PER3: variants seen among roughly 807,000 people sequenced by gnomAD.
PER3 encodes the protein period circadian protein homolog 3.
PER3 carries 107 observed loss-of-function variants against 127.2 expected under a neutral mutation model. That is an observed-to-expected ratio of 0.84 (90% confidence interval 0.72 to 0.99). The LOEUF (loss-of-function observed/expected upper bound fraction) is 0.99, where lower values mean the gene tolerates loss of function less well. Ranked by LOEUF, PER3 falls within the 50% of genes least tolerant of loss-of-function variation. The pLI, the probability that PER3 is intolerant of heterozygous loss-of-function variation, is 0.00. For synonymous variants in PER3, 618 were observed against 585.8 expected (o/e 1.05, Z -0.79); for missense variants, 1,560 against 1,525.8 (o/e 1.02, Z -0.37).
intron 8 of PER3, among the ~76,000 whole-genome samples, chr1:7,801,953 A>T (rs902790479): frequency 2.0e-5 from 3 of 152,164 alleles, no homozygotes; most frequent in Admixed American, 6.5e-5. Flanking sequence ...ATTTTTTATT[A>T]AAAAAATTTA....
At chr1:7,836,030 C>A in intron 20 of PER3, 85 bp downstream of exon 20, 1 of 892,462 alleles carries the variant, frequency 1.1e-6, no homozygotes, top group Non-Finnish European at 1.7e-6. Flanking sequence ...CGGAGTCTCG[C>A]CCTGTCACCC....
chr1:7,844,744 C>T lies in PER3; in HGVS notation c.*1989C>T, dbSNP rs2151373254. 1 of 152,898 alleles carries T rather than the reference C, an allele frequency of 6.5e-6. No homozygotes were observed. Among genetic ancestry groups the T allele is most frequent in the South Asian group, 2.1e-4 (1 of 4,834 alleles). The allele number at this position is 152,898 out of a possible 1,614,324, so 9.5% of individuals were successfully genotyped here. A position where few individuals can be genotyped will look rare whatever the true frequency, so the allele number is the denominator to read the frequency against. The stretch of plus-strand genomic sequence containing the variant: ...CCTCCTGTGGGTGGACGCATTCACG[C>T]ACTCCCAGGTTGCACCTGCTGCTGG... On this transcript the variant is annotated 3_prime_UTR_variant, in exon 22 of 22. Transcript: ENST00000377532.
chr1:7,810,162 G>GA (rs1348627452), intron 12 of PER3, 141 bp downstream of exon 12: 33 of 905,136 alleles, frequency 3.6e-5, no homozygotes, highest in Middle Eastern at 5.0e-4. Context: ...TTTTGGTTTG[G>GA]AAAAAAAAGT....
At chr1:7,791,493 C>T (rs1435162574) in intron 5 of PER3, among the ~76,000 whole-genome samples, 2 of 152,206 alleles carry the variant, frequency 1.3e-5, no homozygotes, top group African/African-American at 2.4e-5. Context: ...TCGTAGGCCT[C>T]AGCCTGTGAT....
rs759194345 is a variant in PER3 at position 7,819,430 on chromosome 1, C to T, written c.1658+10C>T. Reference sequence around the variant, plus strand: ...TCGACAGTGTCATCAGGTATGAGACCGCAAGTTTGGATACCATGTAAGTCT... The same window carrying T: ...TCGACAGTGTCATCAGGTATGAGACTGCAAGTTTGGATACCATGTAAGTCT... On this transcript the variant is annotated intron_variant, in intron 14 of 21. Transcript: ENST00000377532. 9 of 1,612,588 alleles carry T rather than the reference C, an allele frequency of 5.6e-6. No homozygotes were observed. The highest frequency in any genetic ancestry group is 1.3e-5 in the African/African-American group (1 of 74,844).
At chr1:7,839,126 C>A (rs563191285) in intron 21 of PER3, among the ~76,000 whole-genome samples, 2 of 151,964 alleles carry the variant, frequency 1.3e-5, no homozygotes, top group Admixed American at 6.6e-5. Flanking sequence ...ATTTTCATTG[C>A]GATAACCATG....
chr1:7,787,201 C>T (rs533818149), intron 4 of PER3: 3 of 757,430 alleles, frequency 4.0e-6, no homozygotes, highest in Non-Finnish European at 4.9e-6. Flanking sequence ...TTCTTAGTTC[C>T]AATACCTACT....
In PER3 at chr1:7,810,431, C is replaced by G. The variant is rs372231896; in HGVS notation, c.1372-7C>G. 6.3e-7 allele frequency: 1 copy of G among 1,579,832 alleles called. No individual in the cohort carries two copies. Among genetic ancestry groups the G allele is most frequent in the African/African-American group, 1.4e-5 (1 of 73,530 alleles). ...TTGAAACATATTTTATCATTCCTTT[C>G]CCTAAGATGACCTTGCAGCAGGTCT... On this transcript the variant is annotated splice_polypyrimidine_tract_variant and splice_region_variant and intron_variant, in intron 12 of 21. Transcript: ENST00000377532.
intron 5 of PER3, among the ~76,000 whole-genome samples, chr1:7,790,423 G>A (rs2097113812): frequency 1.3e-5 from 2 of 152,188 alleles, no homozygotes; most frequent in African/African-American, 4.8e-5. Context: ...CATGAGAACA[G>A]CATGGGGGAA....
chr1:7,838,714 CAT>C (rs1369917188), intron 21 of PER3, among the ~76,000 whole-genome samples: 2 of 152,194 alleles, frequency 1.3e-5, no homozygotes, highest in African/African-American at 4.8e-5. Context: ...CTGCACACCT[CAT>C]ATGAGTGGAA....
At chr1:7,835,675 C>A in intron 19 of PER3, 87 bp from the exon 20 acceptor site, 2 of 920,624 alleles carry the variant, frequency 2.2e-6, no homozygotes, top group Admixed American at 2.0e-5. Context: ...GGAGGACTGT[C>A]CGAGGCAAGA....
At chr1:7,813,531 T>C (rs2097231154) in intron 13 of PER3, among the ~76,000 whole-genome samples, 1 of 151,938 alleles carries the variant, frequency 6.6e-6, no homozygotes, top group African/African-American at 2.4e-5. Context: ...ACAGACCCTC[T>C]CGAAGGCACA....
At chr1:7,838,553 C>T (rs528155606) in intron 21 of PER3, among the ~76,000 whole-genome samples, 12 of 152,244 alleles carry the variant, frequency 7.9e-5, no homozygotes, top group South Asian at 2.1e-4. Context: ...GGATTGCAGG[C>T]GCACACCACC....
chr1:7,828,228 C>T lies in PER3; in HGVS notation c.2886+413C>T, dbSNP rs72855248. Among the ~76,000 whole-genome samples, 499 of 152,322 alleles carry T rather than the reference C, an allele frequency of 3.3e-3. 3 individuals carry two copies. Among genetic ancestry groups the T allele is most frequent in the African/African-American group, 0.011 (451 of 41,576 alleles). On this transcript the variant is annotated intron_variant, in intron 18 of 21. Coordinates refer to ENST00000377532, the MANE Select transcript of PER3 (RefSeq NM_001377275.1). ...CCATATTGACAATTTAACGATTGTA[C>T]TTCTTCATGCACAGTCACAGGACAA...
intron 21 of PER3, among the ~76,000 whole-genome samples, chr1:7,839,996 C>A (rs182323173): frequency 6.6e-6 from 1 of 152,106 alleles, no homozygotes; most frequent in Non-Finnish European, 1.5e-5. Context: ...TCCTCTGGGG[C>A]CCCTGTAGTG....
At chr1:7,824,588 G>T (rs1208155681) in intron 16 of PER3, among the ~76,000 whole-genome samples, 3 of 152,106 alleles carry the variant, frequency 2.0e-5, no homozygotes, top group South Asian at 2.1e-4. Context: ...TTGGATGCCA[G>T]ATACTGTGAA....
At chr1:7,819,057 A>G (rs574034483) in intron 13 of PER3, among the ~76,000 whole-genome samples, 8 of 152,354 alleles carry the variant, frequency 5.3e-5, no homozygotes, top group Middle Eastern at 3.4e-3. Flanking sequence ...TCTAAATACA[A>G]TCGTAGCCAT....
At chr1:7,798,138 T>A (rs2097154102) in intron 6 of PER3, among the ~76,000 whole-genome samples, 3 of 152,162 alleles carry the variant, frequency 2.0e-5, no homozygotes, top group Non-Finnish European at 4.4e-5. Context: ...CGGGGCATGA[T>A]TGCAGGGGAC....
At chr1:7,830,279 C>A in intron 19 of PER3, 118 bp downstream of exon 19, 2 of 891,982 alleles carry the variant, frequency 2.2e-6, no homozygotes, top group Admixed American at 2.7e-5. Context: ...TTTTCTTTTT[C>A]CCTTTTTCCT....
Sources: allele counts gnomAD v4.1 joint callset (sites outside exome capture counted in the v4.1 genomes callset), GRCh38; gene constraint gnomAD v4.1.1; transcripts MANE v1.5; gene names NCBI Gene and HGNC (gene_info 2026-07-23, HGNC 2026-07-21).